Variants in LNP1 observed in about 807,000 individuals in gnomAD.
The protein encoded by LNP1 is leukemia NUP98 fusion partner 1.
LNP1 carries 12 observed loss-of-function variants against 14.5 expected under a neutral mutation model. The observed-to-expected ratio is 0.83, with a 90% CI of 0.53 to 1.34. LNP1 has a LOEUF of 1.34. LNP1 is among the 40% of genes most tolerant of loss of function. The pLI is 0.00. For missense variants in LNP1, 198 were observed against 210.9 expected (o/e 0.94, Z 0.38); for synonymous variants, 75 against 71.4 (o/e 1.05, Z -0.26).
Position 100,454,788 on chromosome 3 carries a change from A to G in LNP1, c.388-989A>G, listed in dbSNP as rs748911898. 3.0e-4 allele frequency among the ~76,000 whole-genome samples: 46 copies of G among 152,296 alleles called. No individual in the cohort carries two copies. The Middle Eastern group carries it at 0.014, about 45-fold the overall frequency. Reference sequence around the variant, plus strand: ...TTAACATTGTAGAGCGGCTGACACCACTGTGTTAAACAGATGCCTCAATAA... The same window carrying G: ...TTAACATTGTAGAGCGGCTGACACCGCTGTGTTAAACAGATGCCTCAATAA... On this transcript the variant is annotated intron_variant, in intron 3 of 3. Transcript: ENST00000383693.
chr3:100,422,351 T>G (rs568651924), intron 1 of LNP1, among the ~76,000 whole-genome samples: 74 of 152,200 alleles, frequency 4.9e-4, no homozygotes, highest in African/African-American at 1.7e-3. Context: ...GCCCAGCTAA[T>G]TTTTTGCATT....
intron 1 of LNP1, among the ~76,000 whole-genome samples, chr3:100,420,301 C>A (rs1325718320): frequency 1.3e-5 from 2 of 151,380 alleles, no homozygotes; most frequent in East Asian, 3.9e-4. Flanking sequence ...TGCCTGCCTG[C>A]CTTCCTTCCT....
chr3:100,451,977 AGCCGCTTT>A, intron 3 of LNP1, 28 bp downstream of exon 3: 2 of 1,510,608 alleles, frequency 1.3e-6, no homozygotes, highest in South Asian at 1.2e-5. Context: ...TGAATATTTA[AGCCGCTTT>A]AAAAAAGGAA....
At position 100,451,862 on chromosome 3, in the gene LNP1, A is replaced by G; in HGVS notation, c.300A>G (p.Ser100=). The G allele has an allele frequency of 2.4e-6, 3 of 1,253,818 alleles. No homozygotes were observed. The South Asian group carries it at 5.1e-5, about 21-fold the overall frequency. The allele number at this position is 1,253,818 out of a possible 1,614,324, so 77.7% of individuals were successfully genotyped here. The change falls in exon 3 of 4, where the codon TCA becomes TCG. Residue 100 remains serine (S), a synonymous_variant. Transcript: ENST00000383693. The part of the protein sequence containing the change: ...EDGSFKEPLE[S]KGRSHSKIEK... ...GGTCATTCAAGGAGCCACTGGAATCAAAAGGAAGATCCCATTCCAAAATTG... is the reference window on the plus strand; with the variant it reads ...GGTCATTCAAGGAGCCACTGGAATCGAAAGGAAGATCCCATTCCAAAATTG...
intron 3 of LNP1, among the ~76,000 whole-genome samples, chr3:100,455,552 A>G (rs561941053): frequency 6.6e-6 from 1 of 152,182 alleles, no homozygotes; most frequent in Non-Finnish European, 1.5e-5. Context: ...TGCAGGTTGT[A>G]CTTCCTTCCC....
intron 2 of LNP1, among the ~76,000 whole-genome samples, chr3:100,439,227 T>C (rs1707321349): frequency 6.6e-6 from 1 of 152,130 alleles, no homozygotes; most frequent in African/African-American, 2.4e-5. Context: ...ATTATTATTT[T>C]TTTCCTGACA....
chr3:100,419,883 A>T lies in LNP1; in HGVS notation c.-33-9814A>T, dbSNP rs138877284. 2.2e-3 allele frequency among the ~76,000 whole-genome samples: 341 copies of T among 152,230 alleles called. 6 individuals are homozygous for T. Among genetic ancestry groups the T allele is most frequent in the African/African-American group, 7.8e-3 (326 of 41,540 alleles). ...CATAGGTTTTAATTTCTCTAGGATA[A>T]TTGCCTAAGAGTACAATCACTGGGT... On this transcript the variant is annotated intron_variant, in intron 1 of 3. Transcript: ENST00000383693.
At position 100,402,758 on chromosome 3, in the gene LNP1, C is replaced by A. The variant is rs192534983; in HGVS notation, c.-34+319C>A. Among the ~76,000 whole-genome samples, 44 of 151,262 alleles carry A rather than the reference C, an allele frequency of 2.9e-4. 2 individuals are homozygous for A. The highest frequency in any genetic ancestry group is 2.3e-3 in the Admixed American group (35 of 15,198). On this transcript the variant is annotated intron_variant, in intron 1 of 3. Transcript: ENST00000383693. ...CATATTTGAAGTTTTTTTTTTAAAC[C>A]TTTTTCTTATTTATTGGAGTAAGCA...
chr3:100,406,408 C>G (rs1293341280), intron 1 of LNP1, among the ~76,000 whole-genome samples: 1 of 152,104 alleles, frequency 6.6e-6, no homozygotes, highest in Admixed American at 6.6e-5. Flanking sequence ...CAGCCAGAGC[C>G]CAGAATATAG....
chr3:100,432,019 T>TTC (rs1444046494), intron 2 of LNP1, among the ~76,000 whole-genome samples: 6 of 31,702 alleles, frequency 1.9e-4, no homozygotes, highest in Non-Finnish European at 4.1e-4. Context: ...TATATATATA[T>TTC]ATATATATAT....
intron 1 of LNP1, among the ~76,000 whole-genome samples, chr3:100,421,974 G>A (rs995411626): frequency 1.3e-5 from 2 of 151,964 alleles, no homozygotes; most frequent in Admixed American, 6.5e-5. Flanking sequence ...CTCCTTTATT[G>A]TAAATTGCAG....
At chr3:100,438,225 TCTTGAG>T (rs1238375478) in intron 2 of LNP1, among the ~76,000 whole-genome samples, 2 of 152,198 alleles carry the variant, frequency 1.3e-5, no homozygotes, top group African/African-American at 4.8e-5. Context: ...GTAGTTAAGC[TCTTGAG>T]GTGAATATAT....
chr3:100,403,735 A>C (rs553681259), intron 1 of LNP1, among the ~76,000 whole-genome samples: 13 of 152,314 alleles, frequency 8.5e-5, no homozygotes, highest in Middle Eastern at 3.4e-3. Context: ...CACCATGCCC[A>C]GCTGACCTGA....
chr3:100,434,247 G>C (rs1037248819), intron 2 of LNP1, among the ~76,000 whole-genome samples: 4 of 152,162 alleles, frequency 2.6e-5, no homozygotes, highest in Non-Finnish European at 5.9e-5. Flanking sequence ...TTTGTAAAAG[G>C]TGTAAGGAAG....
At chr3:100,429,192 A>G (rs574575655) in intron 1 of LNP1, among the ~76,000 whole-genome samples, 1 of 152,348 alleles carries the variant, frequency 6.6e-6, no homozygotes, top group Admixed American at 6.5e-5. Context: ...TTATATCAAT[A>G]TCATTTTATT....
intron 1 of LNP1, among the ~76,000 whole-genome samples, chr3:100,413,716 A>G (rs528636142): frequency 7.0e-4 from 106 of 152,352 alleles, no homozygotes; most frequent in Non-Finnish European, 7.6e-4. Context: ...TCCAGCATGC[A>G]CTTTGCTCAG....
intron 1 of LNP1, among the ~76,000 whole-genome samples, chr3:100,409,530 C>T (rs751109070): frequency 4.2e-5 from 6 of 141,254 alleles, no homozygotes; most frequent in Non-Finnish European, 9.1e-5. Flanking sequence ...GCAATTCCAG[C>T]TCTCTCTCTC....
chr3:100,447,770 C>T lies in LNP1; in HGVS notation c.157-3949C>T, dbSNP rs1307754129. 2.6e-5 allele frequency among the ~76,000 whole-genome samples: 4 copies of T among 152,080 alleles called. No individual in the cohort carries two copies. In the East Asian group the frequency reaches 7.7e-4, roughly 29 times the overall value. On this transcript the variant is annotated intron_variant, in intron 2 of 3. Coordinates refer to ENST00000383693, the MANE Select transcript of LNP1 (RefSeq NM_001085451.2). ...GAGTCTTTCTCCTGTGAAATTATTT[C>T]TCTTTAAGCTTTCTTACAAGAAAAT...
At chr3:100,415,778 T>C (rs1469519008) in intron 1 of LNP1, among the ~76,000 whole-genome samples, 2 of 152,202 alleles carry the variant, frequency 1.3e-5, no homozygotes, top group Non-Finnish European at 2.9e-5. Context: ...CCCTTGATGT[T>C]ATCTTTCACC....
Sources: gnomAD v4.1 joint callset for allele counts (sites outside exome capture counted in the v4.1 genomes callset) on GRCh38, gnomAD v4.1.1 for gene constraint, MANE v1.5 for transcripts, NCBI Gene and HGNC (gene_info 2026-07-23, HGNC 2026-07-21) for gene names.